Variants in SLC35G1 observed in about 807,000 individuals in gnomAD.
SLC35G1 encodes solute carrier family 35 member G1.
A neutral mutation model predicts 17.1 loss-of-function variants in SLC35G1; 10 were observed. The ratio of observed to expected loss-of-function variants is 0.59; its 90% CI spans 0.36 to 0.99. The LOEUF (loss-of-function observed/expected upper bound fraction) is 0.99. Among genes scored for constraint, SLC35G1 ranks in the 50% least tolerant of loss-of-function variants. The probability of loss-of-function intolerance (pLI) is 0.01; values close to 1 mark genes in which losing one functional copy is unlikely to be tolerated. For synonymous variants in SLC35G1, 185 were observed against 181.1 expected, an observed-to-expected ratio of 1.02 and a Z score of -0.18; for missense variants, 433 against 468.4, an observed-to-expected ratio of 0.92 and a Z score of 0.70.
Position 93,901,070 on chromosome 10 carries a change from C to T in SLC35G1, c.678C>T (p.Phe226=), listed in dbSNP as rs772277208. Residue 226 remains phenylalanine (F), a synonymous_variant, in exon 3 of 3, where the codon TTC becomes TTT. Transcript: ENST00000427197. ...ESYSGHLKGT[F]AAIGSAVFAA... ...ATTCAGGCCACCTTAAGGGAACATT[C>T]GCAGCAATTGGAAGTGCCGTATTTG... is the stretch of plus-strand genomic sequence containing the variant. The T allele has an allele frequency of 5.0e-6, 8 of 1,613,972 alleles. No homozygotes were observed. Among genetic ancestry groups the T allele is most frequent in the East Asian group, 4.5e-5 (2 of 44,894 alleles).
At chr10:93,899,401 A>G (rs1349287251) in intron 2 of SLC35G1, among the ~76,000 whole-genome samples, 4 of 151,990 alleles carry the variant, frequency 2.6e-5, no homozygotes, top group African/African-American at 7.2e-5. Context: ...TCCCAACCCA[A>G]TTCCTCTTTT....
downstream of SLC35G1, among the ~76,000 whole-genome samples, chr10:93,906,872 C>G (rs963998973): frequency 2.0e-5 from 3 of 152,120 alleles, no homozygotes; most frequent in Admixed American, 1.3e-4. Flanking sequence ...TAGTCTGTTT[C>G]ACAATCATTC....
Position 93,901,173 on chromosome 10 carries a change from C to G in SLC35G1, c.781C>G (p.Leu261Val). The G allele has an allele frequency of 6.2e-7, 1 of 1,614,086 alleles. No individual in the cohort carries two copies. The highest frequency in any genetic ancestry group is 1.3e-5 in the African/African-American group (1 of 75,016). The change falls in exon 3 of 3, where the codon CTT becomes GTT. Residue 261 changes from leucine to valine, a missense_variant. Transcript: ENST00000427197. ...YFLSIWYYVVLGLVESVIILS... is the reference protein window; with the variant it reads ...YFLSIWYYVVVGLVESVIILS... ...TCTGAGCATTTGGTATTATGTAGTA[C>G]TTGGCCTCGTTGAAAGTGTCATCAT...
At chr10:93,909,448 T>A (rs2060446085) in exon 3 of SLC35G1, 1 of 145,706 alleles carries the variant, frequency 6.9e-6, no homozygotes, top group Non-Finnish European at 1.5e-5. Context: ...TAATAATATA[T>A]CTGTGTGTTT....
intron 2 of SLC35G1, among the ~76,000 whole-genome samples, chr10:93,899,633 C>T (rs1032349888): frequency 1.3e-5 from 2 of 152,156 alleles, no homozygotes; most frequent in African/African-American, 4.8e-5. Context: ...TAACATGGTG[C>T]GGATTCACTT....
chr10:93,898,590 C>T lies in SLC35G1; in HGVS notation c.198C>T (p.Pro66=). 1 of 1,605,728 alleles carries T rather than the reference C, an allele frequency of 6.2e-7. No homozygotes were observed. The highest frequency in any genetic ancestry group is 8.5e-7 in the Non-Finnish European group (1 of 1,177,890). ...TTTCAGAAGCCAAGAAGAAAGCACCCTGTCCTGGACTTGGCTTGTTTTACA... is the reference window on the plus strand; with the variant it reads ...TTTCAGAAGCCAAGAAGAAAGCACCTTGTCCTGGACTTGGCTTGTTTTACA... ...RTEPEAKKKA[P]CPGLGLFYTL... Residue 66 remains proline, a synonymous_variant, in exon 2 of 3, where the codon CCC becomes CCT. Coordinates refer to ENST00000427197, the MANE Select transcript of SLC35G1 (RefSeq NM_001134658.3).
rs753390986 is a variant in SLC35G1, at chr10:93,901,179, C to G, written c.787C>G (p.Leu263Val). The change falls in exon 3 of 3, where the codon CTC becomes GTC. Residue 263 changes from leucine to valine, a missense_variant. Leu to Val is a conservative substitution (Grantham distance 32, BLOSUM62 1). Coordinates refer to ENST00000427197, the MANE Select transcript of SLC35G1 (RefSeq NM_001134658.3). Reference sequence around the variant, plus strand: ...CATTTGGTATTATGTAGTACTTGGCCTCGTTGAAAGTGTCATCATCCTCTC... The same window carrying G: ...CATTTGGTATTATGTAGTACTTGGCGTCGTTGAAAGTGTCATCATCCTCTC... ...LSIWYYVVLG[L>V]VESVIILSVL... 2 of 1,614,050 alleles carry G rather than the reference C, an allele frequency of 1.2e-6. No homozygotes were observed. The highest frequency in any genetic ancestry group is 1.1e-5 in the South Asian group (1 of 91,076).
chr10:93,908,888 C>T (rs2060442992), exon 3 of SLC35G1: 1 of 152,240 alleles, frequency 6.6e-6, no homozygotes, highest in Non-Finnish European at 1.5e-5. Flanking sequence ...GGGCCAGCCA[C>T]ATTCAGCCGT....
At chr10:93,904,545 T>C (rs956329801), downstream of SLC35G1, among the ~76,000 whole-genome samples, 20 of 152,222 alleles carry the variant, frequency 1.3e-4, no homozygotes, top group African/African-American at 4.8e-4. Context: ...CCTTCTCTTA[T>C]TTACCCTCTA....
chr10:93,900,918 A>C lies in SLC35G1; in HGVS notation c.526A>C (p.Ile176Leu), dbSNP rs1272496614. ...AGTGTTTACGTCCATATTTGCTTGG[A>C]TATGTCTCAAGGAAAAATATAGCCC... ...SPVFTSIFAW[I>L]CLKEKYSPWD... The change falls in exon 3 of 3, where the codon ATA (isoleucine) becomes CTA (leucine). Residue 176 changes from isoleucine to leucine, a missense_variant. By Grantham distance (5) the Ile-to-Leu change is conservative. Transcript: ENST00000427197. The C allele has an allele frequency of 6.2e-7, 1 of 1,614,034 alleles. No homozygotes were observed.
chr10:93,897,522 T>A (rs1330220118), intron 1 of SLC35G1, among the ~76,000 whole-genome samples: 1 of 152,216 alleles, frequency 6.6e-6, no homozygotes, highest in Non-Finnish European at 1.5e-5. Flanking sequence ...CAACCCTGTT[T>A]TTGTGTTAAT....
chr10:93,899,835 T>C (rs919542682), intron 2 of SLC35G1, among the ~76,000 whole-genome samples: 7 of 152,216 alleles, frequency 4.6e-5, no homozygotes, highest in Non-Finnish European at 8.8e-5. Flanking sequence ...ATAAAGATAT[T>C]GTCAGGGGAA....
At position 93,902,288 on chromosome 10, in the gene SLC35G1, C is replaced by T. The variant is rs2060396059; in HGVS notation, c.*798C>T. On this transcript the variant is annotated 3_prime_UTR_variant, in exon 3 of 3. Transcript: ENST00000427197. ...AATTTTTCTTAACATTCCAAGATTTCAGATCTCTAAATCACAAAGAGAAAT... is the reference window on the plus strand; with the variant it reads ...AATTTTTCTTAACATTCCAAGATTTTAGATCTCTAAATCACAAAGAGAAAT... 1.3e-5 allele frequency: 2 copies of T among 152,486 alleles called. No homozygotes were observed. The highest frequency in any genetic ancestry group is 4.8e-5 in the African/African-American group (2 of 41,412). The allele number at this position is 152,486 out of a possible 1,614,324, so 9.4% of individuals were successfully genotyped here.
At chr10:93,907,922 T>TCATA (rs897991025), downstream of SLC35G1, 8 of 152,198 alleles carry the variant, frequency 5.3e-5, no homozygotes, top group African/African-American at 1.9e-4. Context: ...ATACATTATG[T>TCATA]CATACATACA....
At position 93,900,873 on chromosome 10, in the gene SLC35G1, G is replaced by T. The variant is rs554883682; in HGVS notation, c.481G>T (p.Val161Phe). 1 of 1,614,068 alleles carries T rather than the reference G, an allele frequency of 6.2e-7. No homozygotes were observed. Among genetic ancestry groups the T allele is most frequent in the East Asian group, 2.2e-5 (1 of 44,878 alleles). The change falls in exon 3 of 3, where the codon GTT (valine) becomes TTT (phenylalanine). Residue 161 changes from valine to phenylalanine, a missense_variant. Val to Phe is a conservative substitution (Grantham distance 50). Transcript: ENST00000427197. ...YQTMSLADAT[V>F]ITFSSPVFTS... ...GACAATGTCCCTCGCTGATGCCACA[G>T]TTATCACGTTTAGCAGTCCAGTGTT...
chr10:93,897,881 T>C (rs1450081660), intron 1 of SLC35G1, among the ~76,000 whole-genome samples: 1 of 152,188 alleles, frequency 6.6e-6, no homozygotes, highest in African/African-American at 2.4e-5. Context: ...AGATAAGTCG[T>C]GAAAGCATGA....
chr10:93,894,764 A>G (rs2060314646), intron 1 of SLC35G1, among the ~76,000 whole-genome samples: 1 of 152,222 alleles, frequency 6.6e-6, no homozygotes, highest in African/African-American at 2.4e-5. Flanking sequence ...ATGCAGAACA[A>G]GGCATATCTT....
chr10:93,908,255 T>C (rs1335169637), downstream of SLC35G1: 2 of 152,212 alleles, frequency 1.3e-5, no homozygotes, highest in Non-Finnish European at 2.9e-5. Flanking sequence ...TTCTTAATCT[T>C]TGTCTCATTC....
At position 93,895,695 on chromosome 10, in the gene SLC35G1, C is replaced by T. The variant is rs530394914; in HGVS notation, c.178+1484C>T. On this transcript the variant is annotated intron_variant, in intron 1 of 2. Transcript: ENST00000427197. ...ATTGAACTTTGTGACACCTCTTGTT[C>T]TAACTGCTTATCTCAACAAAGCTTT... Among the ~76,000 whole-genome samples, 4 of 152,326 alleles carry T rather than the reference C, an allele frequency of 2.6e-5. No homozygotes were observed. The South Asian group carries it at 8.3e-4, about 32-fold the overall frequency.
Sources: gnomAD v4.1 joint callset for allele counts (sites outside exome capture counted in the v4.1 genomes callset) on GRCh38, gnomAD v4.1.1 for gene constraint, MANE v1.5 for transcripts, NCBI Gene and HGNC (gene_info 2026-07-23, HGNC 2026-07-21) for gene names.